Variants in RRBP1 observed in about 807,000 individuals in gnomAD.
RRBP1 encodes the protein ribosome-binding protein 1.
A neutral mutation model predicts 165.2 loss-of-function variants in RRBP1; 94 were observed. The ratio of observed to expected loss-of-function variants is 0.57; its 90% CI spans 0.48 to 0.68. The LOEUF (loss-of-function observed/expected upper bound fraction) is 0.68, where lower values mean the gene tolerates loss of function less well. Among genes scored for constraint, RRBP1 ranks in the 30% least tolerant of loss-of-function variants. The probability of loss-of-function intolerance (pLI) is 0.00; values close to 1 mark genes in which losing one functional copy is unlikely to be tolerated. For missense variants in RRBP1, 1,676 were observed against 1,763.0 expected, an observed-to-expected ratio of 0.95 and a Z score of 0.88; for synonymous variants, 680 against 714.5, an observed-to-expected ratio of 0.95 and a Z score of 0.77.
Position 17,625,538 on chromosome 20 carries a change from C to T in RRBP1, c.3028G>A (p.Val1010Ile), listed in dbSNP as rs150242501. ...EKEAIELREAVEQQKVKNNDL... is the reference protein window; with the variant it reads ...EKEAIELREAIEQQKVKNNDL... Reference sequence around the variant, plus strand: ...TTGTTCTTCACTTTCTGCTGCTCGACGGCCTCCCTGAGCTCGATGGCCTCC... The same window carrying T: ...TTGTTCTTCACTTTCTGCTGCTCGATGGCCTCCCTGAGCTCGATGGCCTCC... Residue 1010 changes from valine (V) to isoleucine (I), a missense_variant, in exon 12 of 25, where the codon GTC (valine) becomes ATC (isoleucine). This residue lies in a region of RRBP1 where 1,184 missense variants were observed against 1,167.1 expected (regional missense o/e 1.01). Transcript: ENST00000377813. 6.0e-4 allele frequency: 967 copies of T among 1,613,890 alleles called. 1 individual carries two copies. Among genetic ancestry groups the T allele is most frequent in the Middle Eastern group, 1.8e-3 (11 of 6,060 alleles).
At chr20:17,635,044 G>C (rs1311566411) in intron 7 of RRBP1, among the ~76,000 whole-genome samples, 2 of 152,178 alleles carry the variant, frequency 1.3e-5, no homozygotes, top group Non-Finnish European at 2.9e-5. Context: ...CTTCGGACCA[G>C]AGAAAGCAAA....
chr20:17,642,835 G>T, intron 4 of RRBP1, 144 bp downstream of exon 4: 1 of 905,010 alleles, frequency 1.1e-6, no homozygotes, highest in Non-Finnish European at 1.6e-6. Context: ...ACCTGCGAGC[G>T]ATCCCTCGGG....
At chr20:17,614,646 A>C (rs1224566781) in intron 24 of RRBP1, 91 bp downstream of exon 24, 6 of 1,517,568 alleles carry the variant, frequency 4.0e-6, no homozygotes, top group Non-Finnish European at 5.4e-6. Context: ...CAGCTTGACG[A>C]CTCCGCCCAG....
At chr20:17,635,076 T>C (rs1400879843) in intron 7 of RRBP1, among the ~76,000 whole-genome samples, 1 of 151,994 alleles carries the variant, frequency 6.6e-6, no homozygotes, top group Non-Finnish European at 1.5e-5. Flanking sequence ...CTAAAGACAC[T>C]GCAGTGGGTT....
chr20:17,625,226 T>G (rs1357231833), intron 12 of RRBP1, among the ~76,000 whole-genome samples: 1 of 152,132 alleles, frequency 6.6e-6, no homozygotes, highest in Non-Finnish European at 1.5e-5. Flanking sequence ...GGCAACCACG[T>G]GACTCAGGCC....
At chr20:17,666,152 T>C (rs1385962834) in intron 2 of RRBP1, among the ~76,000 whole-genome samples, 2 of 152,210 alleles carry the variant, frequency 1.3e-5, no homozygotes, top group Non-Finnish European at 2.9e-5. Context: ...GATTGATATT[T>C]CTAACTATAG....
intron 21 of RRBP1, 26 bp from the exon 22 acceptor site, chr20:17,616,035 C>T (rs371436578): frequency 1.9e-5 from 31 of 1,594,864 alleles, no homozygotes; most frequent in Middle Eastern, 1.6e-4. Flanking sequence ...AAACATAACC[C>T]GGCAGCCCGG....
Position 17,618,752 on chromosome 20 carries a change from C to T in RRBP1, c.3676-73G>A, listed in dbSNP as rs141273217. 5.4e-4 allele frequency: 642 copies of T among 1,188,010 alleles called. 1 individual carries two copies. The African/African-American group carries it at 8.5e-3, about 16-fold the overall frequency. 73.6% of individuals were successfully genotyped at this position (1,188,010 alleles called of 1,614,324 possible). On this transcript the variant is annotated intron_variant, in intron 19 of 24. Transcript: ENST00000377813. The stretch of plus-strand genomic sequence containing the variant: ...GAGAAAACCAGTCCCCGTGAGTTAG[C>T]GCCGAAACATAAAACCTAACACATC...
intron 4 of RRBP1, among the ~76,000 whole-genome samples, chr20:17,642,742 C>T (rs2036387613): frequency 6.6e-6 from 1 of 152,178 alleles, no homozygotes; most frequent in Admixed American, 6.5e-5. Context: ...TCCCTAGATC[C>T]CATACCCTGC....
intron 11 of RRBP1, among the ~76,000 whole-genome samples, chr20:17,626,510 G>C (rs180750971): frequency 6.6e-6 from 1 of 152,230 alleles, no homozygotes; most frequent in East Asian, 1.9e-4. Flanking sequence ...GGCACACAGG[G>C]AGGTGCTTCT....
At chr20:17,629,337 C>T (rs2036099954) in intron 9 of RRBP1, among the ~76,000 whole-genome samples, 1 of 152,226 alleles carries the variant, frequency 6.6e-6, no homozygotes. Flanking sequence ...TTTCCATGAT[C>T]GACTGCAGCA....
chr20:17,648,935 T>C (rs1453151237), intron 3 of RRBP1, among the ~76,000 whole-genome samples: 3 of 152,178 alleles, frequency 2.0e-5, no homozygotes, highest in African/African-American at 7.2e-5. Context: ...GGATTTTTAA[T>C]CCCAGGCTGT....
chr20:17,634,559 C>T (rs2036212605), intron 7 of RRBP1, among the ~76,000 whole-genome samples: 1 of 152,348 alleles, frequency 6.6e-6, no homozygotes. Flanking sequence ...TGGGAAAACA[C>T]ATCCCGCTGC....
In RRBP1 at chr20:17,620,574, C is replaced by A. The variant is rs900121042; in HGVS notation, c.3507+141G>T. 5.0e-6 allele frequency: 4 copies of A among 800,696 alleles called. No individual in the cohort carries two copies. The African/African-American group carries it at 6.8e-5, about 14-fold the overall frequency. The allele number at this position is 800,696 out of a possible 1,614,324, so 49.6% of individuals were successfully genotyped here. A position where few individuals can be genotyped will look rare whatever the true frequency, so the allele number is the denominator to read the frequency against. Reference sequence around the variant, plus strand: ...CTGGAGGACGGACTGAGCTGTCATCCCGCAACTGTGCTTCATAGGGTGTCG... The same window carrying A: ...CTGGAGGACGGACTGAGCTGTCATCACGCAACTGTGCTTCATAGGGTGTCG... On this transcript the variant is annotated intron_variant, in intron 17 of 24. Coordinates refer to ENST00000377813, the MANE Select transcript of RRBP1 (RefSeq NM_001365613.2).
At chr20:17,631,841 C>A (rs1380358518) in intron 8 of RRBP1, among the ~76,000 whole-genome samples, 1 of 152,228 alleles carries the variant, frequency 6.6e-6, no homozygotes, top group Non-Finnish European at 1.5e-5. Flanking sequence ...CAGGTGAAGG[C>A]AGGACAGTCA....
In RRBP1 at chr20:17,633,556, C is replaced by T. The variant is rs1328727451; in HGVS notation, c.2514G>A (p.Leu838=). ...GCCGCACAGCCTCTGACTTCTCCAC[C>T]AGCTCTTTGCTGACCTTGCTGAGCT... is the stretch of plus-strand genomic sequence containing the variant. The part of the protein sequence containing the change: ...RQELSKVSKE[L]VEKSEAVRQD... Residue 838 remains leucine, a synonymous_variant, in exon 8 of 25, where the codon CTG becomes CTA. Transcript: ENST00000377813. 2 of 1,614,082 alleles carry T rather than the reference C, an allele frequency of 1.2e-6. No homozygotes were observed. Among genetic ancestry groups the T allele is most frequent in the Non-Finnish European group, 1.7e-6 (2 of 1,180,038 alleles).
chr20:17,642,718 G>T (rs950384556), intron 4 of RRBP1, among the ~76,000 whole-genome samples: 5 of 152,248 alleles, frequency 3.3e-5, no homozygotes, highest in Non-Finnish European at 7.4e-5. Context: ...GCCACAAACT[G>T]GCTAGGCCCC....
At chr20:17,635,523 T>C (rs1158531910) in intron 7 of RRBP1, 23 bp downstream of exon 7, 1 of 1,563,234 alleles carries the variant, frequency 6.4e-7, no homozygotes, top group Admixed American at 1.8e-5. Flanking sequence ...GGGGAGGTGC[T>C]GAGGCAGGAA....
chr20:17,672,062 T>C (rs1297855003), intron 2 of RRBP1, among the ~76,000 whole-genome samples: 3 of 152,182 alleles, frequency 2.0e-5, no homozygotes, highest in African/African-American at 4.8e-5. Context: ...GGATATACCA[T>C]CCTTCATTAC....
Sources: gnomAD v4.1 joint callset for allele counts (sites outside exome capture counted in the v4.1 genomes callset) on GRCh38, gnomAD v4.1.1 for gene constraint, gnomAD v4.1.1 regional missense constraint, MANE v1.5 for transcripts, NCBI Gene and HGNC (gene_info 2026-07-23, HGNC 2026-07-21) for gene names.